Variants in IPO5 observed in about 807,000 individuals in gnomAD.
IPO5 encodes the protein importin-5.
In IPO5, 18 loss-of-function variants were observed where a neutral mutation model predicts 143.3. That is an observed-to-expected ratio of 0.13 (90% CI 0.09 to 0.19). The LOEUF (loss-of-function observed/expected upper bound fraction) is 0.19, where lower values mean the gene tolerates loss of function less well. Among genes scored for constraint, IPO5 ranks in the 10% least tolerant of loss-of-function variants. The pLI is 1.00. For missense variants in IPO5, 1,013 were observed against 1,336.9 expected (o/e 0.76, Z 3.78); for synonymous variants, 477 against 465.7 (o/e 1.02, Z -0.31).
Position 97,990,206 on chromosome 13 carries a change from A to G in IPO5, c.548A>G (p.Asp183Gly). Residue 183 changes from aspartate to glycine, a missense_variant, in exon 8 of 29, where the codon GAT (aspartate) becomes GGT (glycine). Transcript: ENST00000651721. ...CGAATGTTAGTTCAGTGTATGCAAG[A>G]TCAGGAACACCCGTCGGTAAATAAT... is the stretch of plus-strand genomic sequence containing the variant. ...IKRMLVQCMQ[D>G]QEHPSIRTLS... 2 of 1,604,944 alleles carry G rather than the reference A, an allele frequency of 1.2e-6. No homozygotes were observed. The highest frequency in any genetic ancestry group is 1.7e-6 in the Non-Finnish European group (2 of 1,172,124).
At chr13:97,962,174 T>C (rs1319705732) in intron 2 of IPO5, among the ~76,000 whole-genome samples, 1 of 152,124 alleles carries the variant, frequency 6.6e-6, no homozygotes, top group Admixed American at 6.5e-5. Flanking sequence ...TTCTATGAGT[T>C]GTCTTTTCTC....
intron 13 of IPO5, chr13:98,001,003 C>G (rs964850830): frequency 4.4e-6 from 1 of 228,222 alleles, no homozygotes; most frequent in African/African-American, 2.3e-5. Context: ...TGTTTTTGCC[C>G]CTGACGGAGG....
intron 11 of IPO5, among the ~76,000 whole-genome samples, chr13:97,994,486 T>G (rs1006885114): frequency 1.3e-5 from 2 of 152,182 alleles, no homozygotes; most frequent in African/African-American, 4.8e-5. Context: ...TTAGAAAATT[T>G]TATAGGCATG....
chr13:97,987,434 C>G (rs1887464930), intron 6 of IPO5, among the ~76,000 whole-genome samples: 2 of 152,172 alleles, frequency 1.3e-5, no homozygotes, highest in Admixed American at 6.5e-5. Flanking sequence ...AGTCCTTGTT[C>G]AATTCAGCTA....
intron 6 of IPO5, 39 bp from the exon 7 acceptor site, chr13:97,989,023 G>A (rs774973092): frequency 1.6e-6 from 2 of 1,215,094 alleles, no homozygotes; most frequent in Admixed American, 3.4e-5. Flanking sequence ...TTGAAGTTCT[G>A]ACTTACACAA....
intron 6 of IPO5, among the ~76,000 whole-genome samples, chr13:97,986,182 A>G (rs1483849267): frequency 6.6e-6 from 1 of 152,056 alleles, no homozygotes; most frequent in Non-Finnish European, 1.5e-5. Context: ...TGGCAGTTAC[A>G]TTTTCTCCTA....
intron 28 of IPO5, 154 bp downstream of exon 28, chr13:98,021,287 A>G: frequency 1.7e-6 from 1 of 591,452 alleles, no homozygotes; most frequent in Non-Finnish European, 2.8e-6. Flanking sequence ...GATTATACTT[A>G]ATGTAATCCA....
chr13:98,004,478 A>G (rs1889051596), intron 16 of IPO5, among the ~76,000 whole-genome samples: 1 of 152,232 alleles, frequency 6.6e-6, no homozygotes, highest in South Asian at 2.1e-4. Context: ...TGGATCCAAC[A>G]TGACTTTACA....
In IPO5 at chr13:98,021,027, A is replaced by G. The variant is rs756501766; in HGVS notation, c.3101A>G (p.Asn1034Ser). 29 of 1,610,430 alleles carry G rather than the reference A, an allele frequency of 1.8e-5. No individual in the cohort carries two copies. The highest frequency in any genetic ancestry group is 1.0e-4 in the Admixed American group (6 of 59,300). Reference protein sequence around the residue: ...HPIVLGPNNTNLPKIFSIIAE... With the variant: ...HPIVLGPNNTSLPKIFSIIAE... ...ATTGTTCTTGGCCCAAACAATACCA[A>G]TCTGCCCAAAATATTTAGTATAATT... The change falls in exon 28 of 29, where the codon AAT becomes AGT. Residue 1034 changes from asparagine (N) to serine (S), a missense_variant. Transcript: ENST00000651721.
intron 11 of IPO5, among the ~76,000 whole-genome samples, chr13:97,995,744 GA>G (rs1247664203): frequency 6.6e-6 from 1 of 152,044 alleles, no homozygotes; most frequent in Non-Finnish European, 1.5e-5. Context: ...AACAGAGCAA[GA>G]CTCTGTCTCA....
Position 98,016,729 on chromosome 13 carries a change from G to A in IPO5, c.2494G>A (p.Asp832Asn). Reference protein sequence around the residue: ...EQVEESLQDEDDNDVYILTKV... With the variant: ...EQVEESLQDENDNDVYILTKV... The stretch of plus-strand genomic sequence containing the variant: ...GTGTTTATGTGTATGTTTTTTTTAG[G>A]ATGATAATGATGTTTATATTCTGAC... The change falls in exon 25 of 29, where the codon GAT becomes AAT. Residue 832 changes from aspartate (D) to asparagine (N), a missense_variant and splice_region_variant. Around this residue, in one of 2 missense-constraint regions of IPO5, gnomAD observed 685 missense variants for 994.9 expected, o/e 0.69. Transcript: ENST00000651721. 1 of 1,391,892 alleles carries A rather than the reference G, an allele frequency of 7.2e-7. No homozygotes were observed. Among genetic ancestry groups the A allele is most frequent in the Non-Finnish European group, 9.7e-7 (1 of 1,026,496 alleles). 86.2% of individuals were successfully genotyped at this position (1,391,892 alleles called of 1,614,324 possible). A position where few individuals can be genotyped will look rare whatever the true frequency, so the allele number is the denominator to read the frequency against.
At chr13:97,983,556 C>T (rs1166185793) in intron 5 of IPO5, among the ~76,000 whole-genome samples, 2 of 141,434 alleles carry the variant, frequency 1.4e-5, no homozygotes, top group Non-Finnish European at 3.1e-5. Context: ...CCCCACCGTC[C>T]CCCCGATTAT....
At chr13:98,000,982 T>A (rs1888721350) in intron 13 of IPO5, 1 of 235,002 alleles carries the variant, frequency 4.3e-6, no homozygotes, top group Admixed American at 5.1e-5. Flanking sequence ...GAGAAACCAC[T>A]TCTTTCTTTC....
chr13:98,010,739 T>C (rs959322538), intron 20 of IPO5, among the ~76,000 whole-genome samples: 2 of 151,492 alleles, frequency 1.3e-5, no homozygotes, highest in Non-Finnish European at 2.9e-5. Context: ...GTTTTCTTTT[T>C]GTTTTCTTTA....
chr13:98,019,555 G>T, intron 26 of IPO5, 26 bp from the exon 27 acceptor site: 1 of 1,518,588 alleles, frequency 6.6e-7, no homozygotes, highest in South Asian at 1.1e-5. Context: ...GGTTTTAGCT[G>T]AACTTCTTTC....
intron 20 of IPO5, among the ~76,000 whole-genome samples, chr13:98,011,272 G>A (rs772717877): frequency 3.2e-4 from 49 of 151,434 alleles, no homozygotes; most frequent in Non-Finnish European, 5.2e-4. Flanking sequence ...GGTTTTTGGG[G>A]TTTTTTTTGT....
At chr13:98,013,729 A>C in intron 21 of IPO5, among the ~76,000 whole-genome samples, 1 of 152,190 alleles carries the variant, frequency 6.6e-6, no homozygotes, top group South Asian at 2.1e-4. Context: ...GATAGTACCT[A>C]AGGTTTTGAG....
chr13:98,014,860 C>G (rs1890002950), intron 22 of IPO5, among the ~76,000 whole-genome samples: 1 of 149,646 alleles, frequency 6.7e-6, no homozygotes, highest in Admixed American at 6.6e-5. Context: ...TTTCATTGCC[C>G]CATCTCTTTT....
At chr13:97,979,756 T>G in intron 4 of IPO5, 1 of 394,228 alleles carries the variant, frequency 2.5e-6, no homozygotes, top group South Asian at 1.9e-5. Context: ...GGTCTTGAAC[T>G]CCTGGCCTCA....
Sources: gnomAD v4.1 joint callset for allele counts (sites outside exome capture counted in the v4.1 genomes callset) on GRCh38, gnomAD v4.1.1 for gene constraint, gnomAD v4.1.1 regional missense constraint, MANE v1.5 for transcripts, NCBI Gene and HGNC (gene_info 2026-07-23, HGNC 2026-07-21) for gene names.